Variants in GRK3 observed in about 807,000 individuals in gnomAD.
The protein encoded by GRK3 is adrenergic, beta, receptor kinase 2.
GRK3 carries 54 observed loss-of-function variants against 95.7 expected under a neutral mutation model. That is an observed-to-expected ratio of 0.56 (90% CI 0.45 to 0.71). The LOEUF is 0.71. GRK3 is among the 30% of genes least tolerant of loss of function. The pLI is 0.00. For missense variants in GRK3, 649 were observed against 851.2 expected, an observed-to-expected ratio of 0.76 and a Z score of 2.96; for synonymous variants, 281 against 290.8, an observed-to-expected ratio of 0.97 and a Z score of 0.34.
chr22:25,674,347 A>T, intron 7 of GRK3, 90 bp from the exon 8 acceptor site: 1 of 1,022,864 alleles, frequency 9.8e-7, no homozygotes, highest in Non-Finnish European at 1.5e-6. Context: ...TTGCTATTTT[A>T]ATTACTGTCT....
chr22:25,672,000 A>G (rs997386870), intron 6 of GRK3, among the ~76,000 whole-genome samples: 5 of 152,236 alleles, frequency 3.3e-5, no homozygotes, highest in African/African-American at 1.2e-4. Context: ...AAAGTATATT[A>G]TTAAAATTAC....
intron 2 of GRK3, among the ~76,000 whole-genome samples, chr22:25,638,563 G>T (rs1207154211): frequency 1.3e-5 from 2 of 152,160 alleles, no homozygotes; most frequent in African/African-American, 4.8e-5. Context: ...CTCCTAAAAG[G>T]TCTGGGCCAT....
intron 13 of GRK3, among the ~76,000 whole-genome samples, chr22:25,700,735 C>T (rs1381041300): frequency 6.6e-6 from 1 of 152,046 alleles, no homozygotes; most frequent in Non-Finnish European, 1.5e-5. Context: ...CTACAGGCTC[C>T]CGCCACCACT....
chr22:25,565,002 C>T lies in GRK3; in HGVS notation c.-39C>T. The T allele has an allele frequency of 1.1e-6, 1 of 945,986 alleles. No homozygotes were observed. The highest frequency in any genetic ancestry group is 1.5e-6 in the Non-Finnish European group (1 of 683,632). The allele number at this position is 945,986 out of a possible 1,614,324, so 58.6% of individuals were successfully genotyped here. A position where few individuals can be genotyped will look rare whatever the true frequency, so the allele number is the denominator to read the frequency against. On this transcript the variant is annotated 5_prime_UTR_variant, in exon 1 of 21. Transcript: ENST00000324198. ...CGGCGGGCGCGCGTCCCGTCCAGGT[C>T]CGGAGTAACCGCCGCCGCCGCCGCC...
intron 14 of GRK3, 65 bp downstream of exon 14, chr22:25,703,641 T>A: frequency 8.5e-7 from 1 of 1,172,644 alleles, no homozygotes; most frequent in Non-Finnish European, 1.2e-6. Context: ...CCGTCAATAA[T>A]AAAAAAATGC....
At chr22:25,630,550 G>A (rs57278396) in intron 2 of GRK3, among the ~76,000 whole-genome samples, 1 of 152,170 alleles carries the variant, frequency 6.6e-6, no homozygotes, top group Non-Finnish European at 1.5e-5. Context: ...AAGGCTGAAA[G>A]CAATCCAGCC....
chr22:25,712,416 T>C (rs950443090), intron 17 of GRK3, among the ~76,000 whole-genome samples: 4 of 152,362 alleles, frequency 2.6e-5, no homozygotes, highest in African/African-American at 9.6e-5. Context: ...GAACAATCCA[T>C]TTACAAAGGT....
At chr22:25,707,211 G>A (rs1248146828) in intron 15 of GRK3, among the ~76,000 whole-genome samples, 2 of 152,130 alleles carry the variant, frequency 1.3e-5, no homozygotes, top group Non-Finnish European at 2.9e-5. Context: ...TGCAATCACT[G>A]GCTTGAACAA....
At chr22:25,708,062 C>T (rs896674198) in intron 15 of GRK3, among the ~76,000 whole-genome samples, 4 of 152,020 alleles carry the variant, frequency 2.6e-5, no homozygotes, top group Admixed American at 2.6e-4. Context: ...ATGGTGAAAC[C>T]CCATCTCTAC....
intron 15 of GRK3, among the ~76,000 whole-genome samples, 189 bp downstream of exon 15, chr22:25,704,398 GT>G (rs776127333): frequency 1.2e-4 from 18 of 152,102 alleles, no homozygotes; most frequent in Non-Finnish European, 2.5e-4. Context: ...AGTTGAAGAA[GT>G]CACTCACTTT....
chr22:25,619,835 C>A (rs2084568086), intron 2 of GRK3, among the ~76,000 whole-genome samples: 1 of 151,854 alleles, frequency 6.6e-6, no homozygotes, highest in Non-Finnish European at 1.5e-5. Context: ...TTAGGTGGTG[C>A]TGGAACATCT....
chr22:25,651,303 G>T (rs186873022), intron 3 of GRK3, among the ~76,000 whole-genome samples: 34 of 152,134 alleles, frequency 2.2e-4, no homozygotes, highest in Non-Finnish European at 4.1e-4. Flanking sequence ...CTTATACTAG[G>T]TTCCTCTATT....
intron 15 of GRK3, among the ~76,000 whole-genome samples, chr22:25,706,971 A>G (rs2085304583): frequency 6.6e-6 from 1 of 150,476 alleles, no homozygotes; most frequent in Non-Finnish European, 1.5e-5. Flanking sequence ...ACAGGCCCAC[A>G]TTACCATGCC....
At chr22:25,667,639 G>T in intron 5 of GRK3, 100 bp from the exon 6 acceptor site, 2 of 748,696 alleles carry the variant, frequency 2.7e-6, no homozygotes, top group Non-Finnish European at 4.7e-6. Context: ...TATGGGGAGT[G>T]CATAATTGGG....
chr22:25,676,444 C>T (rs1569190097), intron 8 of GRK3, among the ~76,000 whole-genome samples: 1 of 152,138 alleles, frequency 6.6e-6, no homozygotes, highest in African/African-American at 2.4e-5. Context: ...GTAATCCCAG[C>T]ACTTTGGGAG....
intron 11 of GRK3, 64 bp downstream of exon 11, chr22:25,687,731 C>G: frequency 1.3e-6 from 2 of 1,562,040 alleles, no homozygotes; most frequent in Non-Finnish European, 1.8e-6. Flanking sequence ...TCTAGAAGTC[C>G]CCTTCTATTT....
chr22:25,701,968 T>G (rs2085262505), intron 13 of GRK3, among the ~76,000 whole-genome samples: 1 of 152,252 alleles, frequency 6.6e-6, no homozygotes, highest in Non-Finnish European at 1.5e-5. Context: ...TTATATCTGC[T>G]TTTTAAATGT....
chr22:25,604,013 G>A (rs897431504), intron 1 of GRK3, among the ~76,000 whole-genome samples: 19 of 152,226 alleles, frequency 1.2e-4, no homozygotes, highest in African/African-American at 4.3e-4. Context: ...TGTGGTGGGG[G>A]GGCACAGGCA....
At chr22:25,649,245 C>CATATAAAATAGG in intron 3 of GRK3, 1 of 1,192,068 alleles carries the variant, frequency 8.4e-7, no homozygotes, top group Non-Finnish European at 1.3e-6. Context: ...ATTCAAGTAG[C>CATATAAAATAGG]CTATTTTATA....
Sources: gnomAD v4.1 joint callset for allele counts (sites outside exome capture counted in the v4.1 genomes callset) on GRCh38, gnomAD v4.1.1 for gene constraint, MANE v1.5 for transcripts, NCBI Gene and HGNC (gene_info 2026-07-23, HGNC 2026-07-21) for gene names.